Variants in CSRNP3 observed in about 807,000 individuals in gnomAD.
The protein encoded by CSRNP3 is cysteine and serine rich nuclear protein 3.
CSRNP3 carries 12 observed loss-of-function variants against 48.0 expected under a neutral mutation model. The observed-to-expected ratio is 0.25, with a 90% CI of 0.16 to 0.41. The LOEUF (loss-of-function observed/expected upper bound fraction) is 0.41, where lower values mean the gene tolerates loss of function less well. Ranked by LOEUF, CSRNP3 falls within the 10% of genes least tolerant of loss-of-function variation. The pLI is 1.00. For synonymous variants in CSRNP3, 263 were observed against 269.7 expected (o/e 0.98, Z 0.24); for missense variants, 580 against 724.4 (o/e 0.80, Z 2.29).
At chr2:165,623,818 G>A (rs1028470815) in intron 4 of CSRNP3, among the ~76,000 whole-genome samples, 3 of 152,158 alleles carry the variant, frequency 2.0e-5, no homozygotes, top group African/African-American at 7.2e-5. Context: ...GGTAGCTGTT[G>A]TCTAGGCTTT....
chr2:165,639,033 T>C (rs1686680847), intron 4 of CSRNP3, among the ~76,000 whole-genome samples: 1 of 152,206 alleles, frequency 6.6e-6, no homozygotes, highest in Non-Finnish European at 1.5e-5. Flanking sequence ...AGACACCTTA[T>C]TAAATATATG....
intron 3 of CSRNP3, among the ~76,000 whole-genome samples, chr2:165,560,549 T>C (rs1284569197): frequency 6.6e-6 from 1 of 152,220 alleles, no homozygotes. Flanking sequence ...AGCCATCTGG[T>C]TCCCACTGAG....
rs181231582 is a variant in CSRNP3 at position 165,687,017 on chromosome 2, G to A, written c.*7264G>A. On this transcript the variant is annotated 3_prime_UTR_variant, in exon 7 of 7. Transcript: ENST00000651982. ...ATCTATTCTTAACATCTCTAGGGAA[G>A]GCAGTTTCCTTGGCAACACAATTCA... 2.0e-5 allele frequency: 3 copies of A among 152,206 alleles called. No homozygotes were observed. Among genetic ancestry groups the A allele is most frequent in the Admixed American group, 6.5e-5 (1 of 15,276 alleles). The allele number at this position is 152,206 out of a possible 1,614,324, so 9.4% of individuals were successfully genotyped here.
chr2:165,665,811 A>AAGAGAG (rs1687173907), intron 5 of CSRNP3, among the ~76,000 whole-genome samples: 2 of 130,322 alleles, frequency 1.5e-5, no homozygotes, highest in South Asian at 2.5e-4. Context: ...GAAAGAGAGA[A>AAGAGAG]AGAGAAAGGA....
chr2:165,628,378 CA>C (rs1213178823), intron 4 of CSRNP3, among the ~76,000 whole-genome samples: 1 of 152,170 alleles, frequency 6.6e-6, no homozygotes, highest in Non-Finnish European at 1.5e-5. Context: ...TTATTATCTG[CA>C]ACATTTCTCC....
chr2:165,499,992 T>TAAGTCTCTTTACA (rs1553470803), intron 2 of CSRNP3, among the ~76,000 whole-genome samples: 1 of 150,956 alleles, frequency 6.6e-6, no homozygotes, highest in African/African-American at 2.4e-5. Flanking sequence ...AGTGAACTCT[T>TAAGTCTCTTTACA]AAGTCTCTTT....
At chr2:165,579,950 A>G (rs1305214107) in intron 3 of CSRNP3, among the ~76,000 whole-genome samples, 2 of 113,392 alleles carry the variant, frequency 1.8e-5, no homozygotes, top group Admixed American at 1.1e-4. Flanking sequence ...TTTTTTTGAG[A>G]CAGAGTCTCA....
At chr2:165,470,918 A>T (rs1683885228) in intron 1 of CSRNP3, among the ~76,000 whole-genome samples, 1 of 152,034 alleles carries the variant, frequency 6.6e-6, no homozygotes, top group Admixed American at 6.6e-5. Context: ...TTTTGAATGA[A>T]TCAAAACTAA....
chr2:165,613,884 T>C (rs1396895071), intron 4 of CSRNP3, among the ~76,000 whole-genome samples: 1 of 152,046 alleles, frequency 6.6e-6, no homozygotes, highest in Non-Finnish European at 1.5e-5. Flanking sequence ...CTATTCAGGG[T>C]CTTTTGTAGT....
At chr2:165,600,375 A>G (rs1452314903) in intron 4 of CSRNP3, among the ~76,000 whole-genome samples, 1 of 151,782 alleles carries the variant, frequency 6.6e-6, no homozygotes, top group Non-Finnish European at 1.5e-5. Flanking sequence ...GCTATTGTGA[A>G]TAGTGCTGCA....
intron 3 of CSRNP3, among the ~76,000 whole-genome samples, chr2:165,518,475 G>T (rs1188422797): frequency 6.6e-6 from 1 of 151,902 alleles, no homozygotes; most frequent in Non-Finnish European, 1.5e-5. Context: ...CAATTAATAT[G>T]AAGGAACAGG....
At chr2:165,542,669 G>A (rs1471708176) in intron 3 of CSRNP3, among the ~76,000 whole-genome samples, 4 of 152,034 alleles carry the variant, frequency 2.6e-5, no homozygotes, top group Non-Finnish European at 5.9e-5. Flanking sequence ...ATAGTGATCT[G>A]TAAAGTTAAA....
chr2:165,484,044 C>A (rs920958532), intron 1 of CSRNP3, among the ~76,000 whole-genome samples: 1 of 152,062 alleles, frequency 6.6e-6, no homozygotes, highest in East Asian at 1.9e-4. Flanking sequence ...TTATATATGT[C>A]TCAAAATGAA....
At chr2:165,624,231 T>G (rs1686390596) in intron 4 of CSRNP3, among the ~76,000 whole-genome samples, 1 of 152,194 alleles carries the variant, frequency 6.6e-6, no homozygotes, top group African/African-American at 2.4e-5. Flanking sequence ...ATTTTAAGCT[T>G]TCTTATGTGC....
At chr2:165,635,418 G>A (rs1288195609) in intron 4 of CSRNP3, among the ~76,000 whole-genome samples, 2 of 152,068 alleles carry the variant, frequency 1.3e-5, no homozygotes, top group East Asian at 1.9e-4. Context: ...TAAATTCAAA[G>A]TCATTGGAAA....
At chr2:165,667,087 G>GAGAGAGGAAGGAAGGAAGGAAAGAGAGAA (rs1285708642) in intron 5 of CSRNP3, among the ~76,000 whole-genome samples, 1 of 138,986 alleles carries the variant, frequency 7.2e-6, no homozygotes, top group African/African-American at 2.7e-5. Context: ...GAGAAAGAAA[G>GAGAGAGGAAGGAAGGAAGGAAAGAGAGAA]AGAGAGAGAG....
At position 165,655,895 on chromosome 2, in the gene CSRNP3, C is replaced by A. The variant is rs570984371; in HGVS notation, c.149-1866C>A. 5.9e-5 allele frequency among the ~76,000 whole-genome samples: 9 copies of A among 152,282 alleles called. No homozygotes were observed. The South Asian group carries it at 1.9e-3, about 32-fold the overall frequency. ...ACCAGTCATCTTGGATAAGGGCCCA[C>A]CCTAGTGACCTCATTTTAATTTGTT... On this transcript the variant is annotated intron_variant, in intron 4 of 6. Coordinates refer to ENST00000651982, the MANE Select transcript of CSRNP3 (RefSeq NM_001172173.2).
At chr2:165,622,692 T>C (rs906037541) in intron 4 of CSRNP3, among the ~76,000 whole-genome samples, 25 of 152,134 alleles carry the variant, frequency 1.6e-4, no homozygotes, top group Non-Finnish European at 2.9e-4. Context: ...AAGAAAGAAA[T>C]GGTAGAAAAG....
At chr2:165,655,883 G>A (rs1686996917) in intron 4 of CSRNP3, among the ~76,000 whole-genome samples, 1 of 152,122 alleles carries the variant, frequency 6.6e-6, no homozygotes, top group Non-Finnish European at 1.5e-5. Flanking sequence ...AGTCATCTTG[G>A]ATAAGGGCCC....
Sources: allele counts gnomAD v4.1 joint callset (sites outside exome capture counted in the v4.1 genomes callset), GRCh38; gene constraint gnomAD v4.1.1; transcripts MANE v1.5; gene names NCBI Gene and HGNC (gene_info 2026-07-23, HGNC 2026-07-21).